Variants in ADARB2 observed in about 807,000 individuals in gnomAD.
ADARB2 encodes the protein inactive double-stranded RNA-specific editase B2.
In ADARB2, 25 loss-of-function variants were observed where a neutral mutation model predicts 62.2. That is an observed-to-expected ratio of 0.40 (90% confidence interval 0.29 to 0.56). ADARB2 has a LOEUF of 0.56. Among genes scored for constraint, ADARB2 ranks in the 20% least tolerant of loss-of-function variants. ADARB2 has a pLI of 0.43. For missense variants in ADARB2, 1,071 were observed against 1,077.4 expected (o/e 0.99, Z 0.08); for synonymous variants, 572 against 500.8 (o/e 1.14, Z -1.90).
chr10:1,455,092 A>G (rs1442399318), intron 1 of ADARB2, among the ~76,000 whole-genome samples: 1 of 152,110 alleles, frequency 6.6e-6, no homozygotes, highest in East Asian at 1.9e-4. Context: ...GTCACTGAAC[A>G]ACGTGATTTT....
intron 7 of ADARB2, among the ~76,000 whole-genome samples, chr10:1,203,427 A>T (rs1438158904): frequency 1.3e-5 from 2 of 152,166 alleles, no homozygotes; most frequent in African/African-American, 4.8e-5. Context: ...CCTGTTTTGG[A>T]CGCTTTGGTT....
At chr10:1,338,943 A>G (rs918206634) in intron 3 of ADARB2, among the ~76,000 whole-genome samples, 7 of 151,474 alleles carry the variant, frequency 4.6e-5, no homozygotes, top group Non-Finnish European at 1.0e-4. Flanking sequence ...GATCTTCCCA[A>G]CTCTTCTCCA....
Position 1,196,028 on chromosome 10 carries a change from C to T in ADARB2, c.1864+3938G>A, listed in dbSNP as rs117117057. Among the ~76,000 whole-genome samples, 213 of 152,196 alleles carry T rather than the reference C, an allele frequency of 1.4e-3. 1 individual carries two copies. The highest frequency in any genetic ancestry group is 2.2e-3 in the Non-Finnish European group (151 of 68,010). ...GCCTTTCCAGAGTGCCTCTCTCTCC[C>T]GTCCGCTTACCTCACACTCTCAGCC... is the stretch of plus-strand genomic sequence containing the variant. On this transcript the variant is annotated intron_variant, in intron 8 of 9. Transcript: ENST00000381312.
At chr10:1,582,556 A>G (rs1676164201) in intron 1 of ADARB2, among the ~76,000 whole-genome samples, 1 of 152,252 alleles carries the variant, frequency 6.6e-6, no homozygotes, top group Non-Finnish European at 1.5e-5. Flanking sequence ...TCATAGCTAC[A>G]GAACGATGAC....
chr10:1,203,688 C>G (rs775612028), intron 7 of ADARB2, among the ~76,000 whole-genome samples: 82 of 152,074 alleles, frequency 5.4e-4, no homozygotes, highest in Non-Finnish European at 9.3e-4. Flanking sequence ...CTCCTGTGAG[C>G]CAGGGTTGAA....
At chr10:1,650,920 G>A (rs1052331339) in intron 1 of ADARB2, among the ~76,000 whole-genome samples, 1 of 152,180 alleles carries the variant, frequency 6.6e-6, no homozygotes, top group Non-Finnish European at 1.5e-5. Context: ...CCCGGCTCAT[G>A]TGAGGGCTGG....
At chr10:1,696,620 T>C (rs1409797764) in intron 1 of ADARB2, among the ~76,000 whole-genome samples, 2 of 152,212 alleles carry the variant, frequency 1.3e-5, no homozygotes, top group Admixed American at 6.5e-5. Context: ...GAACTCCCAG[T>C]GTCCAGCGGA....
At chr10:1,189,402 A>G (rs1288477069) in intron 8 of ADARB2, among the ~76,000 whole-genome samples, 1 of 152,038 alleles carries the variant, frequency 6.6e-6, no homozygotes, top group Non-Finnish European at 1.5e-5. Flanking sequence ...TGAAGGTGTT[A>G]GGGCTAAACT....
At chr10:1,447,854 T>A (rs1830990860) in intron 1 of ADARB2, among the ~76,000 whole-genome samples, 2 of 152,208 alleles carry the variant, frequency 1.3e-5, no homozygotes, top group South Asian at 4.1e-4. Flanking sequence ...GCTGTGTTAG[T>A]TTGCTTAAGA....
chr10:1,531,009 C>T (rs772949476), intron 1 of ADARB2, among the ~76,000 whole-genome samples: 16 of 152,182 alleles, frequency 1.1e-4, no homozygotes, highest in African/African-American at 3.4e-4. Flanking sequence ...TCGGCAAGGT[C>T]GGCCCTGAGC....
Position 1,704,599 on chromosome 10 carries a change from T to C in ADARB2, c.100+32452A>G, listed in dbSNP as rs1001616787. On this transcript the variant is annotated intron_variant, in intron 1 of 9. Transcript: ENST00000381312. The surrounding 1 kb of genome is among the most constrained non-coding windows in gnomAD (Gnocchi z 5.6). Reference sequence around the variant, plus strand: ...GCTGTGCAGCCCAGCTCCTAACAGGTCCTGGACCAGTACCAGTCCTTGGCC... The same window carrying C: ...GCTGTGCAGCCCAGCTCCTAACAGGCCCTGGACCAGTACCAGTCCTTGGCC... Among the ~76,000 whole-genome samples, 1 of 152,170 alleles carries C rather than the reference T, an allele frequency of 6.6e-6. No individual in the cohort carries two copies. Among genetic ancestry groups the C allele is most frequent in the Non-Finnish European group, 1.5e-5 (1 of 68,022 alleles).
chr10:1,330,338 G>C (rs969736393), intron 3 of ADARB2, among the ~76,000 whole-genome samples: 3 of 152,184 alleles, frequency 2.0e-5, no homozygotes, highest in Non-Finnish European at 1.5e-5. Flanking sequence ...AAGTACTTTA[G>C]AGCATTCTCT....
chr10:1,390,712 A>G (rs1176666988), intron 1 of ADARB2, among the ~76,000 whole-genome samples: 6 of 152,232 alleles, frequency 3.9e-5, no homozygotes, highest in Admixed American at 6.5e-5. Flanking sequence ...TAGACATTGC[A>G]ATAAGAAAAA....
chr10:1,218,231 A>T (rs1830649224), intron 6 of ADARB2, among the ~76,000 whole-genome samples: 1 of 151,938 alleles, frequency 6.6e-6, no homozygotes, highest in Admixed American at 6.6e-5. Context: ...TTGTATTTTC[A>T]GTAGAGATGG....
At chr10:1,583,191 G>A (rs907164545) in intron 1 of ADARB2, among the ~76,000 whole-genome samples, 1 of 56,674 alleles carries the variant, frequency 1.8e-5, no homozygotes, top group Non-Finnish European at 3.9e-5. Flanking sequence ...ATTTCAATAT[G>A]CAGTGTTCAA....
Position 1,183,307 on chromosome 10 carries a change from C to T in ADARB2, c.2106G>A (p.Gly702=). 1 of 1,614,178 alleles carries T rather than the reference C, an allele frequency of 6.2e-7. No homozygotes were observed. The highest frequency in any genetic ancestry group is 2.2e-5 in the East Asian group (1 of 44,876). ...GTTTCACAGACTGGTAGGTGTGCGC[C>T]CCCAGCTTGGCCTCACAGTACATGG... is the stretch of plus-strand genomic sequence containing the variant. ...TPSMYCEAKL[G]AHTYQSVKQQ... Residue 702 remains glycine, a synonymous_variant, in exon 10 of 10, where the codon GGG becomes GGA. Coordinates refer to ENST00000381312, the MANE Select transcript of ADARB2 (RefSeq NM_018702.4).
At chr10:1,285,177 T>C (rs1479207587) in intron 3 of ADARB2, among the ~76,000 whole-genome samples, 4 of 152,176 alleles carry the variant, frequency 2.6e-5, no homozygotes, top group Non-Finnish European at 5.9e-5. Flanking sequence ...CCCATTATTG[T>C]TGGTGATTTA....
intron 4 of ADARB2, among the ~76,000 whole-genome samples, chr10:1,266,993 AAATT>A (rs1365669464): frequency 2.0e-5 from 3 of 152,166 alleles, no homozygotes; most frequent in East Asian, 3.8e-4. Flanking sequence ...TAAAAGCAGA[AAATT>A]AATAGAGTGT....
chr10:1,641,202 A>T (rs1833974601), intron 1 of ADARB2, among the ~76,000 whole-genome samples: 1 of 152,234 alleles, frequency 6.6e-6, no homozygotes, highest in Admixed American at 6.5e-5. Flanking sequence ...TAATTCAATA[A>T]AAAGTCTCTG....
Sources: gnomAD v4.1 joint callset for allele counts (sites outside exome capture counted in the v4.1 genomes callset) on GRCh38, gnomAD v4.1.1 for gene constraint, Gnocchi (gnomAD v3.1) non-coding constraint, MANE v1.5 for transcripts, NCBI Gene and HGNC (gene_info 2026-07-23, HGNC 2026-07-21) for gene names.